The following MINAR2 variants were observed in gnomAD, a reference collection of about 807,000 sequenced individuals.
MINAR2 encodes the protein major intrinsically disordered NOTCH2-binding receptor 1-like.
A neutral mutation model predicts 16.1 loss-of-function variants in MINAR2; 21 were observed. The observed-to-expected ratio is 1.31, with a 90% CI of 0.93 to 1.88. MINAR2 has a LOEUF of 1.88. Ranked by LOEUF, MINAR2 falls within the 40% of genes most tolerant of loss-of-function variation. The pLI, the probability that MINAR2 is intolerant of heterozygous loss-of-function variation, is 0.00. For missense variants in MINAR2, 259 were observed against 229.8 expected (o/e 1.13, Z -0.82); for synonymous variants, 86 against 83.0 (o/e 1.04, Z -0.20).
intron 1 of MINAR2, among the ~76,000 whole-genome samples, chr5:129,758,815 T>G (rs1416668610): frequency 2.0e-5 from 3 of 152,052 alleles, no homozygotes; most frequent in Non-Finnish European, 4.4e-5. Flanking sequence ...TACTTTTTTC[T>G]CAATTCAGAA....
Position 129,766,313 on chromosome 5 carries a change from G to T in MINAR2, c.*1250G>T, listed in dbSNP as rs997843324. Reference sequence around the variant, plus strand: ...ATTGCCATATCATTTTGTTGTATTTGTCTTAAAGATGCTTGAAATAAAGTA... The same window carrying T: ...ATTGCCATATCATTTTGTTGTATTTTTCTTAAAGATGCTTGAAATAAAGTA... On this transcript the variant is annotated 3_prime_UTR_variant, in exon 3 of 3. Coordinates refer to ENST00000564719, the MANE Select transcript of MINAR2 (RefSeq NM_001257308.2). 6.6e-6 allele frequency: 1 copy of T among 152,174 alleles called. No individual in the cohort carries two copies. Among genetic ancestry groups the T allele is most frequent in the Non-Finnish European group, 1.5e-5 (1 of 68,036 alleles). 9.4% of individuals were successfully genotyped at this position (152,174 alleles called of 1,614,324 possible). A position where few individuals can be genotyped will look rare whatever the true frequency, so the allele number is the denominator to read the frequency against.
chr5:129,766,657 C>CAAA lies in MINAR2; in HGVS notation c.*1595_*1597dup, dbSNP rs61546560. 2 of 111,668 alleles carry CAAA rather than the reference C, an allele frequency of 1.8e-5. No homozygotes were observed. The highest frequency in any genetic ancestry group is 2.8e-4 in the East Asian group (1 of 3,578). 6.9% of individuals were successfully genotyped at this position (111,668 alleles called of 1,614,324 possible). ...CATAAAAAAAAAAAAAAAAAAAAAA[C>CAAA]AAACAAACAAACAAAAAAAACCCCA... On this transcript the variant is annotated 3_prime_UTR_variant, in exon 3 of 3. Transcript: ENST00000564719.
intron 1 of MINAR2, among the ~76,000 whole-genome samples, chr5:129,755,291 G>T (rs1176297382): frequency 6.6e-6 from 1 of 151,948 alleles, no homozygotes. Context: ...AAGAGAAATT[G>T]GCTTATACTT....
intron 1 of MINAR2, among the ~76,000 whole-genome samples, chr5:129,748,590 T>C (rs1757947232): frequency 6.6e-6 from 1 of 152,206 alleles, no homozygotes; most frequent in Non-Finnish European, 1.5e-5. Flanking sequence ...CTTCTCTGCC[T>C]ATCCTCATTT....
intron 1 of MINAR2, among the ~76,000 whole-genome samples, chr5:129,753,207 G>A (rs572715344): frequency 1.9e-4 from 29 of 152,110 alleles, no homozygotes; most frequent in East Asian, 1.2e-3. Flanking sequence ...TGCTGGGGCC[G>A]GGTGCCATGG....
intron 1 of MINAR2, among the ~76,000 whole-genome samples, chr5:129,752,868 A>T (rs1220814348): frequency 2.0e-5 from 3 of 151,722 alleles, no homozygotes; most frequent in African/African-American, 4.8e-5. Flanking sequence ...CCTTTGTTAT[A>T]TCTTTTCCTG....
At chr5:129,751,551 A>T (rs1581287951) in intron 1 of MINAR2, among the ~76,000 whole-genome samples, 1 of 152,122 alleles carries the variant, frequency 6.6e-6, no homozygotes, top group African/African-American at 2.4e-5. Context: ...TGATTCAGTA[A>T]CCAGGGACAT....
chr5:129,752,122 T>C (rs559054190), intron 1 of MINAR2, among the ~76,000 whole-genome samples: 104 of 152,296 alleles, frequency 6.8e-4, no homozygotes, highest in African/African-American at 2.4e-3. Context: ...ACACTGTTGG[T>C]GGGAATGTAA....
At chr5:129,762,685 GA>G (rs1387257497) in intron 2 of MINAR2, 3 of 261,426 alleles carry the variant, frequency 1.1e-5, no homozygotes, top group Non-Finnish European at 2.5e-5. Context: ...GTAGAAGTTT[GA>G]TATTAAGAAT....
At chr5:129,757,646 T>C (rs1758072606) in intron 1 of MINAR2, among the ~76,000 whole-genome samples, 1 of 151,998 alleles carries the variant, frequency 6.6e-6, no homozygotes, top group Non-Finnish European at 1.5e-5. Flanking sequence ...TCTGGTGACT[T>C]AGAAGCTGTA....
At chr5:129,748,422 C>T (rs1169920348) in intron 1 of MINAR2, 67 bp downstream of exon 1, 1 of 1,464,222 alleles carries the variant, frequency 6.8e-7, no homozygotes, top group African/African-American at 1.4e-5. Context: ...TGCCATTTCA[C>T]CATTTATGCA....
In MINAR2 at chr5:129,760,587, C is replaced by T; in HGVS notation, c.375C>T (p.Asn125=). 1.3e-6 allele frequency: 2 copies of T among 1,535,164 alleles called. No homozygotes were observed. Among genetic ancestry groups the T allele is most frequent in the Non-Finnish European group, 1.7e-6 (2 of 1,146,230 alleles). The change falls in exon 2 of 3, where the codon AAC becomes AAT. Residue 125 remains asparagine (N), a synonymous_variant. Coordinates refer to ENST00000564719, the MANE Select transcript of MINAR2 (RefSeq NM_001257308.2). Reference sequence around the variant, plus strand: ...ATGACAAACATTCCCTGCACACAAACCTCTCTGGACATCTGAAGGTACTCA... The same window carrying T: ...ATGACAAACATTCCCTGCACACAAATCTCTCTGGACATCTGAAGGTACTCA... The part of the protein sequence containing the change: ...EEYDKHSLHT[N]LSGHLKENPN...
chr5:129,766,643 AAAAAAAAAAAAAAC>A lies in MINAR2; in HGVS notation c.*1584_*1597del, dbSNP rs1171635379. On this transcript the variant is annotated 3_prime_UTR_variant, in exon 3 of 3. Transcript: ENST00000564719. The stretch of plus-strand genomic sequence containing the variant: ...CAGAGTGAGACTTCCATAAAAAAAA[AAAAAAAAAAAAAAC>A]AAACAAACAAACAAAAAAAACCCCA... The A allele has an allele frequency of 2.2e-5, 1 of 45,824 alleles. No homozygotes were observed. The highest frequency in any genetic ancestry group is 4.5e-5 in the African/African-American group (1 of 22,192). The allele number at this position is 45,824 out of a possible 1,614,324, so 2.8% of individuals were successfully genotyped here.
At chr5:129,754,960 A>G (rs1035262368) in intron 1 of MINAR2, among the ~76,000 whole-genome samples, 2 of 152,154 alleles carry the variant, frequency 1.3e-5, no homozygotes, top group Admixed American at 6.5e-5. Flanking sequence ...ATATTAAACC[A>G]TTAAGTAAAC....
chr5:129,765,464 C>A lies in MINAR2; in HGVS notation c.*401C>A, dbSNP rs1758200182. The A allele has an allele frequency of 6.5e-6, 1 of 155,034 alleles. No individual in the cohort carries two copies. The highest frequency in any genetic ancestry group is 2.4e-5 in the African/African-American group (1 of 41,576). The allele number at this position is 155,034 out of a possible 1,614,324, so 9.6% of individuals were successfully genotyped here. On this transcript the variant is annotated 3_prime_UTR_variant, in exon 3 of 3. Coordinates refer to ENST00000564719, the MANE Select transcript of MINAR2 (RefSeq NM_001257308.2). ...ACTGTTAACTCTTTACCACCTCATC[C>A]TCCTGTGATCACCAGAAAAGTTTGA...
intron 2 of MINAR2, among the ~76,000 whole-genome samples, chr5:129,761,342 G>T (rs1295394181): frequency 6.6e-6 from 1 of 152,154 alleles, no homozygotes; most frequent in Non-Finnish European, 1.5e-5. Flanking sequence ...GGCCAGGAAG[G>T]CCTGCCATTT....
rs1758198765 is a variant in MINAR2, at chr5:129,765,354, ATATCTT to A, written c.*295_*300del. ...AGTCACTATATGCAACCCACATTAAATATCTTTATAGGGAGCAAACAGTATCAAAAA... is the reference window on the plus strand; with the variant it reads ...AGTCACTATATGCAACCCACATTAAATATAGGGAGCAAACAGTATCAAAAA... On this transcript the variant is annotated 3_prime_UTR_variant, in exon 3 of 3. Coordinates refer to ENST00000564719, the MANE Select transcript of MINAR2 (RefSeq NM_001257308.2). The A allele has an allele frequency of 3.7e-6, 1 of 266,938 alleles. No individual in the cohort carries two copies. The highest frequency in any genetic ancestry group is 6.5e-5 in the East Asian group (1 of 15,340). 16.5% of individuals were successfully genotyped at this position (266,938 alleles called of 1,614,324 possible).
rs1758116970 is a variant in MINAR2 at position 129,760,382 on chromosome 5, A to G, written c.170A>G (p.Glu57Gly). The G allele has an allele frequency of 6.5e-7, 1 of 1,535,008 alleles. No individual in the cohort carries two copies. Among genetic ancestry groups the G allele is most frequent in the Non-Finnish European group, 8.7e-7 (1 of 1,146,074 alleles). ...HWQNLVYSQR[E>G]KKNIAAQRIR... Reference sequence around the variant, plus strand: ...CCTTGTTTCTTTGCCTCTTAGAGGGAAAAGAAGAATATTGCTGCTCAACGA... The same window carrying G: ...CCTTGTTTCTTTGCCTCTTAGAGGGGAAAGAAGAATATTGCTGCTCAACGA... Residue 57 changes from glutamate to glycine, a missense_variant, in exon 2 of 3, where the codon GAA becomes GGA. Physicochemically the swap from Glu to Gly is moderately conservative, Grantham distance 98. Coordinates refer to ENST00000564719, the MANE Select transcript of MINAR2 (RefSeq NM_001257308.2).
rs116144969 is a variant in MINAR2 at position 129,748,428 on chromosome 5, A to G, written c.165+73A>G. 2,342 of 1,445,438 alleles carry G rather than the reference A, an allele frequency of 1.6e-3. 23 individuals carry two copies. The African/African-American group carries it at 0.029, about 18-fold the overall frequency. 89.5% of individuals were successfully genotyped at this position (1,445,438 alleles called of 1,614,324 possible). A position where few individuals can be genotyped will look rare whatever the true frequency, so the allele number is the denominator to read the frequency against. On this transcript the variant is annotated intron_variant, in intron 1 of 2. Transcript: ENST00000564719. The stretch of plus-strand genomic sequence containing the variant: ...CTCGCTATCTGCCATTTCACCATTT[A>G]TGCAACAAGAAGCCTATAGGAACAG...
Sources: allele counts gnomAD v4.1 joint callset (sites outside exome capture counted in the v4.1 genomes callset), GRCh38; gene constraint gnomAD v4.1.1; transcripts MANE v1.5; gene names NCBI Gene and HGNC (gene_info 2026-07-23, HGNC 2026-07-21).